Variants in LRP1 observed in about 807,000 individuals in gnomAD.
The protein encoded by LRP1 is LDL receptor related protein 1.
In LRP1, 51 loss-of-function variants were observed where a neutral mutation model predicts 541.5. That is an observed-to-expected ratio of 0.09 (90% CI 0.08 to 0.12). The LOEUF (loss-of-function observed/expected upper bound fraction) is 0.12. LRP1 is among the 10% of genes least tolerant of loss of function. The pLI, the probability that LRP1 is intolerant of heterozygous loss-of-function variation, is 1.00. For synonymous variants in LRP1, 2,219 were observed against 2,470.8 expected (o/e 0.90, Z 3.02); for missense variants, 3,878 against 6,376.2 (o/e 0.61, Z 13.34).
chr12:57,154,388 G>A lies in LRP1; in HGVS notation c.1004+18G>A, dbSNP rs1323428594. The A allele has an allele frequency of 6.2e-7, 1 of 1,602,642 alleles. No individual in the cohort carries two copies. Among genetic ancestry groups the A allele is most frequent in the East Asian group, 2.2e-5 (1 of 44,560 alleles). On this transcript the variant is annotated intron_variant, in intron 7 of 88. Transcript: ENST00000243077. The surrounding 1 kb of genome is among the most constrained non-coding windows in gnomAD (Gnocchi z 4.6). ...GCCATGGGGTGAGAGTGGCAGGCGG[G>A]GTTCTGGCCCTGGAAGGTGGGAGGC...
At chr12:57,176,145 G>A (rs765246219) in intron 24 of LRP1, 39 bp downstream of exon 24, 19 of 1,605,680 alleles carry the variant, frequency 1.2e-5, no homozygotes, top group South Asian at 7.7e-5. Context: ...GCACACAGGC[G>A]GAGCGCTCAG....
Position 57,154,134 on chromosome 12 carries a change from C to A in LRP1, c.842-74C>A. 1 of 1,454,036 alleles carries A rather than the reference C, an allele frequency of 6.9e-7. No homozygotes were observed. Among genetic ancestry groups the A allele is most frequent in the Non-Finnish European group, 9.5e-7 (1 of 1,052,118 alleles). 90.1% of individuals were successfully genotyped at this position (1,454,036 alleles called of 1,614,324 possible). On this transcript the variant is annotated intron_variant, in intron 6 of 88. Coordinates refer to ENST00000243077, the MANE Select transcript of LRP1 (RefSeq NM_002332.3). This position sits in a 1 kb window ranked among gnomAD's most constrained non-coding sequence, Gnocchi z 4.6. Reference sequence around the variant, plus strand: ...GAAGGTGGGCTTCCAGGTGTGGGTTCTCACCAGCAAAGGGTGGGCATCTCT... The same window carrying A: ...GAAGGTGGGCTTCCAGGTGTGGGTTATCACCAGCAAAGGGTGGGCATCTCT...
chr12:57,143,613 G>A (rs1198561557), intron 3 of LRP1, 66 bp from the exon 4 acceptor site: 1 of 1,574,496 alleles, frequency 6.4e-7, no homozygotes, highest in African/African-American at 1.3e-5. Flanking sequence ...TTAGGGGAAG[G>A]TTGTGGCCTG....
intron 8 of LRP1, chr12:57,155,076 G>A: frequency 2.0e-6 from 1 of 494,414 alleles, no homozygotes; most frequent in South Asian, 2.8e-5. Context: ...ACTGGAACTT[G>A]TTCTAGAAGC....
At position 57,128,561 on chromosome 12, in the gene LRP1, C is replaced by T. The variant is rs2034962497; in HGVS notation, c.-404C>T. The T allele has an allele frequency of 2.7e-5, 11 of 401,328 alleles. No homozygotes were observed. The South Asian group carries it at 1.3e-3, about 46-fold the overall frequency. 24.9% of individuals were successfully genotyped at this position (401,328 alleles called of 1,614,324 possible). Reference sequence around the variant, plus strand: ...GGAAACAAGGGGAGCCCCCAGAGCTCCATCAAGCCCCCTCCAAAGGCTCCC... The same window carrying T: ...GGAAACAAGGGGAGCCCCCAGAGCTTCATCAAGCCCCCTCCAAAGGCTCCC... On this transcript the variant is annotated 5_prime_UTR_variant, in exon 1 of 89. Coordinates refer to ENST00000243077, the MANE Select transcript of LRP1 (RefSeq NM_002332.3).
intron 1 of LRP1, among the ~76,000 whole-genome samples, chr12:57,136,081 G>A (rs908174875): frequency 2.0e-5 from 3 of 152,246 alleles, no homozygotes; most frequent in African/African-American, 7.2e-5. Flanking sequence ...GCCACGGCTG[G>A]TCAGGGGAAG....
At chr12:57,180,898 T>C in intron 33 of LRP1, 91 bp downstream of exon 33, 1 of 1,541,858 alleles carries the variant, frequency 6.5e-7, no homozygotes, top group African/African-American at 1.4e-5. Context: ...GGCAAGGGAG[T>C]AAGTGGGTTA....
rs375206672 is a variant in LRP1, at chr12:57,179,900, C to T, written c.5085C>T (p.Asn1695=). ...CCCGGCTGGATGGCTCCTTCAAGAA[C>T]GCAGTGGTGCAGGGCCTGGAGCAGC... ...NVARLDGSFK[N]AVVQGLEQPH... Residue 1695 remains asparagine (N), a synonymous_variant, in exon 30 of 89, where the codon AAC becomes AAT. Coordinates refer to ENST00000243077, the MANE Select transcript of LRP1 (RefSeq NM_002332.3). This position sits in a 1 kb window ranked among gnomAD's most constrained non-coding sequence, Gnocchi z 6.8. 2.6e-5 allele frequency: 42 copies of T among 1,614,040 alleles called. No individual in the cohort carries two copies. In the African/African-American group the frequency reaches 4.3e-4, roughly 16 times the overall value.
chr12:57,195,224 G>C (rs371711699), intron 51 of LRP1, 47 bp from the exon 52 acceptor site: 5 of 1,606,054 alleles, frequency 3.1e-6, no homozygotes, highest in Admixed American at 1.7e-5. Context: ...TGCTAGACCT[G>C]ATCTACCCGC....
At chr12:57,174,776 C>G (rs958840851) in intron 22 of LRP1, among the ~76,000 whole-genome samples, 5 of 152,136 alleles carry the variant, frequency 3.3e-5, no homozygotes, top group Admixed American at 3.3e-4. Context: ...AACAAACAAA[C>G]AGGCAAGGGG....
chr12:57,193,536 C>T (rs1163482688), intron 46 of LRP1, 30 bp from the exon 47 acceptor site: 2 of 1,607,660 alleles, frequency 1.2e-6, no homozygotes, highest in South Asian at 1.1e-5. Context: ...GTGCCTGTGG[C>T]TGACACGCAG....
At chr12:57,207,242 CTAAATAAATAAA>C (rs60649994) in intron 76 of LRP1, among the ~76,000 whole-genome samples, 150 of 134,542 alleles carry the variant, frequency 1.1e-3, no homozygotes, top group Middle Eastern at 3.7e-3. Flanking sequence ...GACTCGGTCT[CTAAATAAATAAA>C]TAAATAAATA....
At chr12:57,149,910 T>G (rs114568750) in intron 6 of LRP1, 1 of 620,794 alleles carries the variant, frequency 1.6e-6, no homozygotes, top group South Asian at 1.9e-5. Flanking sequence ...CTGAGTAGGA[T>G]TACTAGACAG....
Position 57,156,639 on chromosome 12 carries a change from TG to T in LRP1, c.1418-137del. ...TTGGGGGGCAGAGGGTTTCCACCCC[TG>T]TGGCTTCCAAATCCTAAAATGGGAT... On this transcript the variant is annotated intron_variant, in intron 9 of 88. Coordinates refer to ENST00000243077, the MANE Select transcript of LRP1 (RefSeq NM_002332.3). The surrounding 1 kb of genome is among the most constrained non-coding windows in gnomAD (Gnocchi z 5.2). The T allele has an allele frequency of 1.0e-6, 1 of 1,002,060 alleles. No individual in the cohort carries two copies. Among genetic ancestry groups the T allele is most frequent in the Non-Finnish European group, 1.4e-6 (1 of 706,358 alleles). 62.1% of individuals were successfully genotyped at this position (1,002,060 alleles called of 1,614,324 possible). A position where few individuals can be genotyped will look rare whatever the true frequency, so the allele number is the denominator to read the frequency against.
At chr12:57,143,903 T>C (rs1171586855) in intron 4 of LRP1, 105 bp downstream of exon 4, 5 of 1,414,322 alleles carry the variant, frequency 3.5e-6, no homozygotes, top group Non-Finnish European at 4.7e-6. Context: ...AATAAGAAAC[T>C]AGAAGGAAGG....
intron 34 of LRP1, 145 bp downstream of exon 34, chr12:57,181,436 C>CCTG: frequency 9.7e-7 from 1 of 1,028,484 alleles, no homozygotes; most frequent in Non-Finnish European, 1.4e-6. Flanking sequence ...GTGGCTATGA[C>CCTG]TCTCCAGTGC....
At chr12:57,169,422 A>AG in intron 20 of LRP1, 115 bp downstream of exon 20, 1 of 1,025,948 alleles carries the variant, frequency 9.7e-7, no homozygotes, top group Non-Finnish European at 1.4e-6. Flanking sequence ...TGGGAGCCAG[A>AG]GGTAGCCTAG....
intron 42 of LRP1, 61 bp from the exon 43 acceptor site, chr12:57,190,744 T>C: frequency 1.3e-6 from 2 of 1,524,262 alleles, no homozygotes; most frequent in Non-Finnish European, 1.8e-6. Context: ...CGTCCTGGCC[T>C]GTGCCCTCTG....
Position 57,177,782 on chromosome 12 carries a change from A to G in LRP1, c.4361+191A>G, listed in dbSNP as rs1250240220. Among the ~76,000 whole-genome samples the G allele has an allele frequency of 1.3e-5, 2 of 151,980 alleles. No individual in the cohort carries two copies. The highest frequency in any genetic ancestry group is 2.9e-5 in the Non-Finnish European group (2 of 67,968). On this transcript the variant is annotated intron_variant, in intron 26 of 88. Coordinates refer to ENST00000243077, the MANE Select transcript of LRP1 (RefSeq NM_002332.3). This position sits in a 1 kb window ranked among gnomAD's most constrained non-coding sequence, Gnocchi z 6.8. ...CCAGGGCCGAGGGGAGGGGGCAGGT[A>G]GAGGAGGCGGAAGCAGGGCCATCAG...
Sources: gnomAD v4.1 joint callset for allele counts (sites outside exome capture counted in the v4.1 genomes callset) on GRCh38, gnomAD v4.1.1 for gene constraint, Gnocchi (gnomAD v3.1) non-coding constraint, MANE v1.5 for transcripts, NCBI Gene and HGNC (gene_info 2026-07-23, HGNC 2026-07-21) for gene names.